TNR: variants seen among roughly 807,000 people sequenced by gnomAD.
TNR encodes tenascin-R.
In TNR, 45 loss-of-function variants were observed where a neutral mutation model predicts 150.4. The observed-to-expected ratio is 0.30, with a 90% CI of 0.24 to 0.38. The LOEUF (loss-of-function observed/expected upper bound fraction) is 0.38. TNR is among the 10% of genes least tolerant of loss of function. The pLI is 1.00. For synonymous variants in TNR, 687 were observed against 678.4 expected (o/e 1.01, Z -0.20); for missense variants, 1,544 against 1,759.1 (o/e 0.88, Z 2.19).
At chr1:175,550,294 A>G (rs1246675244) in intron 1 of TNR, among the ~76,000 whole-genome samples, 1 of 152,190 alleles carries the variant, frequency 6.6e-6, no homozygotes, top group African/African-American at 2.4e-5. Flanking sequence ...GACTCCCTAG[A>G]GTCCCCTCTC....
rs112381209 is a variant in TNR, at chr1:175,695,985, T to TATGGATGGATGGATGGATGG, written c.-165+47221_-165+47240dup. Among the ~76,000 whole-genome samples, 91 of 148,964 alleles carry TATGGATGGATGGATGGATGG rather than the reference T, an allele frequency of 6.1e-4. 1 individual carries two copies. Among genetic ancestry groups the TATGGATGGATGGATGGATGG allele is most frequent in the African/African-American group, 1.5e-3 (59 of 39,194 alleles). ...GCATGGATGCATGGACAGATGGATA[T>TATGGATGGATGGATGGATGG]ATGGATGGATGGATGGATGGATGGA... On this transcript the variant is annotated intron_variant, in intron 1 of 22. Coordinates refer to ENST00000367674, the MANE Select transcript of TNR (RefSeq NM_003285.3).
intron 1 of TNR, among the ~76,000 whole-genome samples, chr1:175,674,253 C>T (rs1382107247): frequency 2.0e-5 from 3 of 152,188 alleles, no homozygotes; most frequent in African/African-American, 7.2e-5. Context: ...GCTGGGGATG[C>T]AGGGATGAAT....
chr1:175,466,504 C>T (rs1026035933), intron 2 of TNR, among the ~76,000 whole-genome samples: 2 of 152,174 alleles, frequency 1.3e-5, no homozygotes, highest in Admixed American at 6.5e-5. Flanking sequence ...TTGGAACAAG[C>T]ACCCCTTGCA....
chr1:175,570,575 G>A (rs557593315), intron 1 of TNR, among the ~76,000 whole-genome samples: 14 of 152,208 alleles, frequency 9.2e-5, no homozygotes, highest in African/African-American at 2.9e-4. Context: ...CAGAGTGAGG[G>A]TGCCTTTTCA....
At chr1:175,595,055 T>C (rs1360522033) in intron 1 of TNR, among the ~76,000 whole-genome samples, 2 of 151,486 alleles carry the variant, frequency 1.3e-5, no homozygotes, top group Admixed American at 6.6e-5. Flanking sequence ...TAGTCCCAGC[T>C]ACTCAGGAGG....
chr1:175,488,864 GA>G (rs1658123904), intron 2 of TNR, among the ~76,000 whole-genome samples: 1 of 152,212 alleles, frequency 6.6e-6, no homozygotes. Context: ...GGTGAGGGAG[GA>G]AGGGTGCCTG....
At chr1:175,417,558 C>G (rs1654553265) in intron 2 of TNR, among the ~76,000 whole-genome samples, 1 of 152,124 alleles carries the variant, frequency 6.6e-6, no homozygotes, top group South Asian at 2.1e-4. Flanking sequence ...ATATCAAGCT[C>G]TGGAAACACT....
At chr1:175,577,291 A>G (rs1662157504) in intron 1 of TNR, among the ~76,000 whole-genome samples, 1 of 152,102 alleles carries the variant, frequency 6.6e-6, no homozygotes, top group Admixed American at 6.5e-5. Context: ...GTGTCTTGTT[A>G]TTACTTTTCT....
chr1:175,419,623 A>C (rs558631986), intron 2 of TNR, among the ~76,000 whole-genome samples: 1 of 152,232 alleles, frequency 6.6e-6, no homozygotes, highest in South Asian at 2.1e-4. Context: ...TTAGGACTGC[A>C]AGTGCCCACC....
intron 1 of TNR, among the ~76,000 whole-genome samples, chr1:175,674,193 G>C (rs1464989194): frequency 6.6e-6 from 1 of 152,148 alleles, no homozygotes; most frequent in Non-Finnish European, 1.5e-5. Context: ...TCCTACCTGG[G>C]GAAAAGTTAA....
chr1:175,324,301 G>T, intron 22 of TNR, 55 bp downstream of exon 22: 8 of 1,567,576 alleles, frequency 5.1e-6, no homozygotes, highest in Non-Finnish European at 6.9e-6. Flanking sequence ...AAAGCTAAGG[G>T]AGCACGGATT....
At chr1:175,662,601 T>G (rs1419695144) in intron 1 of TNR, among the ~76,000 whole-genome samples, 2 of 152,246 alleles carry the variant, frequency 1.3e-5, no homozygotes, top group Non-Finnish European at 2.9e-5. Context: ...TATCCAAACC[T>G]GTGAGGCAGG....
At chr1:175,509,252 G>A (rs1659071841) in intron 2 of TNR, among the ~76,000 whole-genome samples, 1 of 152,084 alleles carries the variant, frequency 6.6e-6, no homozygotes, top group Non-Finnish European at 1.5e-5. Flanking sequence ...GAAAAGTTTT[G>A]ACCTAACACC....
intron 1 of TNR, among the ~76,000 whole-genome samples, chr1:175,545,934 C>T (rs968958374): frequency 2.0e-5 from 3 of 152,040 alleles, no homozygotes; most frequent in African/African-American, 7.2e-5. Context: ...AGGGATGTGG[C>T]AGGGAAGTAT....
At chr1:175,672,252 G>C (rs1456958542) in intron 1 of TNR, among the ~76,000 whole-genome samples, 1 of 152,130 alleles carries the variant, frequency 6.6e-6, no homozygotes, top group Non-Finnish European at 1.5e-5. Flanking sequence ...TCCCTGCCCT[G>C]CCTCCCCTGG....
At chr1:175,354,804 T>A (rs1651242411) in intron 17 of TNR, among the ~76,000 whole-genome samples, 1 of 152,174 alleles carries the variant, frequency 6.6e-6, no homozygotes, top group African/African-American at 2.4e-5. Flanking sequence ...TGTACTTGCT[T>A]GAGAGCAGAG....
At chr1:175,445,920 G>A (rs1571450668) in intron 2 of TNR, among the ~76,000 whole-genome samples, 1 of 152,130 alleles carries the variant, frequency 6.6e-6, no homozygotes, top group Admixed American at 6.6e-5. Flanking sequence ...CTTTTAAAAT[G>A]TTCTGGACGA....
intron 1 of TNR, among the ~76,000 whole-genome samples, chr1:175,539,485 GT>G (rs1281809745): frequency 6.6e-6 from 1 of 152,226 alleles, no homozygotes; most frequent in African/African-American, 2.4e-5. Flanking sequence ...GAAGACGGAA[GT>G]GTCAAGTTTC....
intron 9 of TNR, among the ~76,000 whole-genome samples, 197 bp downstream of exon 9, chr1:175,379,355 T>A (rs948835463): frequency 3.3e-5 from 5 of 151,942 alleles, no homozygotes; most frequent in African/African-American, 1.2e-4. Context: ...AGATTCCGTC[T>A]CAAAAAAAGG....
Sources: gnomAD v4.1 joint callset for allele counts (sites outside exome capture counted in the v4.1 genomes callset) on GRCh38, gnomAD v4.1.1 for gene constraint, MANE v1.5 for transcripts, NCBI Gene and HGNC (gene_info 2026-07-23, HGNC 2026-07-21) for gene names.